Variants in QKI observed in about 807,000 individuals in gnomAD.
QKI encodes the protein QKI, KH domain containing RNA binding.
A neutral mutation model predicts 39.0 loss-of-function variants in QKI; 10 were observed. That is an observed-to-expected ratio of 0.26 (90% CI 0.16 to 0.43). QKI has a LOEUF of 0.43. Ranked by LOEUF, QKI falls within the 20% of genes least tolerant of loss-of-function variation. The pLI, the probability that QKI is intolerant of heterozygous loss-of-function variation, is 1.00. For missense variants in QKI, 218 were observed against 428.0 expected, an observed-to-expected ratio of 0.51 and a Z score of 4.33; for synonymous variants, 204 against 155.4, an observed-to-expected ratio of 1.31 and a Z score of -2.33.
rs982262691 is a variant in QKI, at chr6:163,479,822, C to T, written c.402+926C>T. On this transcript the variant is annotated intron_variant, in intron 3 of 7. Coordinates refer to ENST00000361752, the MANE Select transcript of QKI (RefSeq NM_006775.3). ...AAAGTATATAAAAGTTTTGAAAAATCTGAAATTTTTCTTTTGATGAGATTT... is the reference window on the plus strand; with the variant it reads ...AAAGTATATAAAAGTTTTGAAAAATTTGAAATTTTTCTTTTGATGAGATTT... Among the ~76,000 whole-genome samples the T allele has an allele frequency of 2.0e-5, 3 of 152,156 alleles. No individual in the cohort carries two copies. In the South Asian group the frequency reaches 6.2e-4, roughly 32 times the overall value.
chr6:163,513,279 T>A (rs1020240480), intron 3 of QKI, among the ~76,000 whole-genome samples: 7 of 152,070 alleles, frequency 4.6e-5, no homozygotes, highest in Non-Finnish European at 2.9e-5. Flanking sequence ...CTGTGAAAAT[T>A]TACAAATGAG....
chr6:163,570,025 A>G lies in QKI; in HGVS notation c.1010-669A>G, dbSNP rs192500957. The G allele has an allele frequency of 4.1e-6, 4 of 986,360 alleles. No individual in the cohort carries two copies. In the Admixed American group the frequency reaches 2.5e-4, roughly 61 times the overall value. 61.1% of individuals were successfully genotyped at this position (986,360 alleles called of 1,614,324 possible). ...GCCTGGCCATTTTCTGGTTCCCATG[A>G]TGTTGCCTACACTGCTAGACTACAG... is the stretch of plus-strand genomic sequence containing the variant. On this transcript the variant is annotated intron_variant, in intron 7 of 7. Coordinates refer to ENST00000361752, the MANE Select transcript of QKI (RefSeq NM_006775.3).
At chr6:163,537,832 C>T (rs1329122349) in intron 4 of QKI, among the ~76,000 whole-genome samples, 1 of 152,136 alleles carries the variant, frequency 6.6e-6, no homozygotes, top group Non-Finnish European at 1.5e-5. Flanking sequence ...TCTTCTGGGG[C>T]CTCTCAAACC....
chr6:163,456,217 A>G (rs1189340413), intron 2 of QKI, among the ~76,000 whole-genome samples: 3 of 152,178 alleles, frequency 2.0e-5, no homozygotes, highest in Non-Finnish European at 4.4e-5. Context: ...TTTAAAAGCC[A>G]TCTATCTAGC....
rs113254411 is a variant in QKI, at chr6:163,444,058, A to G, written c.143-11221A>G. The stretch of plus-strand genomic sequence containing the variant: ...CATGAGGATTTGGTGTTTTCCGAGG[A>G]TGTAATTTAAAGTAAATTCTGGTGG... On this transcript the variant is annotated intron_variant, in intron 1 of 7. Transcript: ENST00000361752. Among the ~76,000 whole-genome samples, 259 of 152,316 alleles carry G rather than the reference A, an allele frequency of 1.7e-3. 13 individuals are homozygous for G. The South Asian group carries it at 0.05, about 29-fold the overall frequency.
chr6:163,466,141 A>G (rs1265562989), intron 2 of QKI, among the ~76,000 whole-genome samples: 4 of 151,696 alleles, frequency 2.6e-5, no homozygotes, highest in African/African-American at 7.3e-5. Context: ...AAAAAAAAAA[A>G]GGGCTATCTC....
At chr6:163,474,627 GCT>G (rs1792448382) in intron 2 of QKI, among the ~76,000 whole-genome samples, 1 of 151,796 alleles carries the variant, frequency 6.6e-6, no homozygotes, top group Non-Finnish European at 1.5e-5. Flanking sequence ...AATCAAAAAA[GCT>G]CTACATTTTT....
chr6:163,448,335 G>GT (rs545732473), intron 1 of QKI, among the ~76,000 whole-genome samples: 4,530 of 137,808 alleles, frequency 0.033, 190 homozygotes, highest in African/African-American at 0.1. Flanking sequence ...AATAGCTTGG[G>GT]TTTTTTTTTT....
intron 3 of QKI, among the ~76,000 whole-genome samples, chr6:163,532,529 C>T (rs1196174282): frequency 2.6e-5 from 4 of 152,164 alleles, no homozygotes; most frequent in African/African-American, 9.7e-5. Context: ...TAATTTAAGG[C>T]ATTTGGTCTT....
intron 4 of QKI, among the ~76,000 whole-genome samples, chr6:163,558,083 TG>T (rs1227120364): frequency 6.6e-6 from 1 of 152,192 alleles, no homozygotes; most frequent in African/African-American, 2.4e-5. Context: ...GGATACTTTG[TG>T]AACTATCTGG....
At chr6:163,531,407 ATAGC>A (rs1780841790) in intron 3 of QKI, among the ~76,000 whole-genome samples, 2 of 152,272 alleles carry the variant, frequency 1.3e-5, no homozygotes, top group South Asian at 2.1e-4. Context: ...GGAGTGCTTG[ATAGC>A]TAGCCATTTG....
intron 3 of QKI, among the ~76,000 whole-genome samples, chr6:163,484,808 CATA>C (rs926528954): frequency 1.5e-4 from 23 of 152,094 alleles, no homozygotes; most frequent in African/African-American, 4.6e-4. Flanking sequence ...CTATGGCAGA[CATA>C]ATAATAATAG....
chr6:163,578,019 T>C lies in QKI; in HGVS notation c.*7309T>C, dbSNP rs1045180275. On this transcript the variant is annotated 3_prime_UTR_variant, in exon 8 of 8. Coordinates refer to ENST00000361752, the MANE Select transcript of QKI (RefSeq NM_006775.3). ...TAGTCATGGTAAGTTTGGCATCATA[T>C]CTTCCCCAAAAAATGTTTATTAAAA... 2 of 152,132 alleles carry C rather than the reference T, an allele frequency of 1.3e-5. No homozygotes were observed. The highest frequency in any genetic ancestry group is 2.9e-5 in the Non-Finnish European group (2 of 68,002). 9.4% of individuals were successfully genotyped at this position (152,132 alleles called of 1,614,324 possible). A position where few individuals can be genotyped will look rare whatever the true frequency, so the allele number is the denominator to read the frequency against.
At position 163,478,783 on chromosome 6, in the gene QKI, A is replaced by C; in HGVS notation, c.289A>C (p.Asn97His). The C allele has an allele frequency of 6.3e-7, 1 of 1,576,084 alleles. No individual in the cohort carries two copies. Among genetic ancestry groups the C allele is most frequent in the Admixed American group, 1.9e-5 (1 of 52,838 alleles). Residue 97 changes from asparagine (N) to histidine (H), a missense_variant, in exon 3 of 8, where the codon AAT becomes CAT. Physicochemically the swap from Asn to His is moderately conservative, Grantham distance 68 (BLOSUM62 1). Around this residue, in one of 3 missense-constraint regions of QKI, gnomAD observed 61 missense variants for 193.3 expected, o/e 0.32. Coordinates refer to ENST00000361752, the MANE Select transcript of QKI (RefSeq NM_006775.3). ...YVPVKEYPDF[N>H]FVGRILGPRG... Reference sequence around the variant, plus strand: ...GATCCTTTTTTTTTTTTCTCAGTTTAATTTTGTTGGGAGAATCCTTGGACC... The same window carrying C: ...GATCCTTTTTTTTTTTTCTCAGTTTCATTTTGTTGGGAGAATCCTTGGACC...
chr6:163,554,564 A>G (rs1217632693), intron 4 of QKI, among the ~76,000 whole-genome samples: 1 of 152,234 alleles, frequency 6.6e-6, no homozygotes, highest in Non-Finnish European at 1.5e-5. Context: ...TGTACCTGAC[A>G]TCTCCACTTA....
chr6:163,523,674 C>T (rs1169117966), intron 3 of QKI, among the ~76,000 whole-genome samples: 1 of 152,100 alleles, frequency 6.6e-6, no homozygotes, highest in Non-Finnish European at 1.5e-5. Context: ...TTTGTTTATA[C>T]ATATGTGAGA....
chr6:163,513,993 T>A (rs1421683231), intron 3 of QKI, among the ~76,000 whole-genome samples: 4 of 152,022 alleles, frequency 2.6e-5, no homozygotes, highest in Non-Finnish European at 5.9e-5. Flanking sequence ...CCACAATTCT[T>A]GAGCAAGAAG....
rs1208428264 is a variant in QKI at position 163,466,297 on chromosome 6, G to C, written c.285+10876G>C. ...AATATTCCATGTTCGTAGATTGGAA[G>C]ATTATTGTTAAAATTTCCATACTTC... On this transcript the variant is annotated intron_variant, in intron 2 of 7. Transcript: ENST00000361752. Among the ~76,000 whole-genome samples, 4 of 152,126 alleles carry C rather than the reference G, an allele frequency of 2.6e-5. No individual in the cohort carries two copies. In the South Asian group the frequency reaches 6.2e-4, roughly 24 times the overall value.
intron 6 of QKI, chr6:163,564,337 C>T: frequency 9.3e-7 from 1 of 1,080,652 alleles, no homozygotes; most frequent in Non-Finnish European, 1.2e-6. Flanking sequence ...GTTTACTACA[C>T]ACCTAGGCTG....
Sources: allele counts gnomAD v4.1 joint callset (sites outside exome capture counted in the v4.1 genomes callset), GRCh38; gene constraint gnomAD v4.1.1; regional missense constraint gnomAD v4.1.1; transcripts MANE v1.5; gene names NCBI Gene and HGNC (gene_info 2026-07-23, HGNC 2026-07-21).